The following MAP4K5 variants were observed in gnomAD, a reference collection of about 807,000 sequenced individuals.
MAP4K5 encodes MAPK/ERK kinase kinase kinase 5.
Under a neutral mutation model 135.6 loss-of-function variants are expected in MAP4K5, and 82 were observed. That is an observed-to-expected ratio of 0.60 (90% CI 0.51 to 0.73). The LOEUF (loss-of-function observed/expected upper bound fraction) is 0.73, where lower values mean the gene tolerates loss of function less well. Among genes scored for constraint, MAP4K5 ranks in the 30% least tolerant of loss-of-function variants. The pLI is 0.00. For synonymous variants in MAP4K5, 347 were observed against 335.0 expected (o/e 1.04, Z -0.39); for missense variants, 907 against 1,010.9 (o/e 0.90, Z 1.39).
Position 50,429,265 on chromosome 14 carries a change from G to C in MAP4K5, c.2165-5C>G. 1 of 1,546,190 alleles carries C rather than the reference G, an allele frequency of 6.5e-7. No individual in the cohort carries two copies. Among genetic ancestry groups the C allele is most frequent in the Non-Finnish European group, 8.8e-7 (1 of 1,140,468 alleles). On this transcript the variant is annotated splice_polypyrimidine_tract_variant and splice_region_variant and intron_variant, in intron 28 of 32. Transcript: ENST00000682126. Reference sequence around the variant, plus strand: ...TGGAATCTAACTGCTGGCTGCCTTAGGAAGTAAAAAACAAGGTTACAATTA... The same window carrying C: ...TGGAATCTAACTGCTGGCTGCCTTACGAAGTAAAAAACAAGGTTACAATTA...
intron 3 of MAP4K5, among the ~76,000 whole-genome samples, chr14:50,487,207 C>A (rs2037380917): frequency 6.6e-6 from 1 of 152,142 alleles, no homozygotes; most frequent in Non-Finnish European, 1.5e-5. Context: ...ACTCGGGAGG[C>A]TAAGGCAGGA....
chr14:50,504,892 T>TA (rs2037777831), intron 2 of MAP4K5, 35 bp from the exon 3 acceptor site: 1 of 1,378,658 alleles, frequency 7.3e-7, no homozygotes, highest in African/African-American at 1.5e-5. Context: ...TCTTGTTAAT[T>TA]AAAAGCTTGT....
intron 6 of MAP4K5, among the ~76,000 whole-genome samples, chr14:50,481,084 C>A (rs2037231992): frequency 6.6e-6 from 1 of 151,140 alleles, no homozygotes; most frequent in African/African-American, 2.4e-5. Flanking sequence ...TATTTTTTCA[C>A]CTCTACTCAG....
intron 13 of MAP4K5, among the ~76,000 whole-genome samples, chr14:50,461,013 G>C (rs1162316642): frequency 2.0e-5 from 3 of 152,120 alleles, no homozygotes; most frequent in Non-Finnish European, 4.4e-5. Flanking sequence ...ATGAGTGCTA[G>C]TAGTTACTAT....
intron 13 of MAP4K5, among the ~76,000 whole-genome samples, chr14:50,460,722 A>G (rs1407743142): frequency 6.6e-6 from 1 of 152,172 alleles, no homozygotes; most frequent in Non-Finnish European, 1.5e-5. Context: ...ATACCAGGCA[A>G]TGGGGAAATA....
intron 16 of MAP4K5, 96 bp from the exon 17 acceptor site, chr14:50,446,217 A>G: frequency 1.4e-6 from 1 of 729,736 alleles, no homozygotes; most frequent in Non-Finnish European, 2.2e-6. Flanking sequence ...GTTTCTATAC[A>G]GAGGATGTAA....
At chr14:50,457,200 C>T (rs139144358) in intron 13 of MAP4K5, among the ~76,000 whole-genome samples, 1 of 152,256 alleles carries the variant, frequency 6.6e-6, no homozygotes, top group East Asian at 1.9e-4. Flanking sequence ...TGAGCCCAAT[C>T]GACAAAGGCT....
Position 50,464,153 on chromosome 14 carries a change from TACAA to T in MAP4K5, c.738-24_738-21del. On this transcript the variant is annotated intron_variant, in intron 11 of 32. Coordinates refer to ENST00000682126, the MANE Select transcript of MAP4K5 (RefSeq NM_006575.6). ...GATGACCTTAAAATAAAAAGAGACG[TACAA>T]AAATATTTCACTACTATTACGTTTC... 1 of 1,213,262 alleles carries T rather than the reference TACAA, an allele frequency of 8.2e-7. No individual in the cohort carries two copies. Among genetic ancestry groups the T allele is most frequent in the Non-Finnish European group, 1.2e-6 (1 of 843,126 alleles). The allele number at this position is 1,213,262 out of a possible 1,614,324, so 75.2% of individuals were successfully genotyped here.
At chr14:50,428,616 A>C in intron 30 of MAP4K5, 46 bp downstream of exon 30, 1 of 1,045,326 alleles carries the variant, frequency 9.6e-7, no homozygotes, top group African/African-American at 1.6e-5. Context: ...GAATTTTAAT[A>C]ATCATTAAGT....
chr14:50,428,643 T>C lies in MAP4K5; in HGVS notation c.2326+19A>G. The C allele has an allele frequency of 1.4e-6, 2 of 1,382,684 alleles. No homozygotes were observed. Among genetic ancestry groups the C allele is most frequent in the South Asian group, 2.7e-5 (2 of 72,760 alleles). The allele number at this position is 1,382,684 out of a possible 1,614,324, so 85.7% of individuals were successfully genotyped here. On this transcript the variant is annotated intron_variant, in intron 30 of 32. Coordinates refer to ENST00000682126, the MANE Select transcript of MAP4K5 (RefSeq NM_006575.6). The stretch of plus-strand genomic sequence containing the variant: ...TCATTAAGTATCGCAAACTGATTTA[T>C]GAAAAAAAGGAAACTTACCTACAGA...
Position 50,462,499 on chromosome 14 carries a change from C to G in MAP4K5, c.936+166G>C, listed in dbSNP as rs558912687. 2.6e-5 allele frequency among the ~76,000 whole-genome samples: 4 copies of G among 152,244 alleles called. 1 individual carries two copies. In the South Asian group the frequency reaches 8.3e-4, roughly 32 times the overall value. On this transcript the variant is annotated intron_variant, in intron 13 of 32. Transcript: ENST00000682126. Reference sequence around the variant, plus strand: ...TTATACCACAATAAAAAAGTATCAACTGATAATTATGTGCAGGAAAAGTGT... The same window carrying G: ...TTATACCACAATAAAAAAGTATCAAGTGATAATTATGTGCAGGAAAAGTGT...
chr14:50,429,135 T>TA, intron 29 of MAP4K5, 57 bp downstream of exon 29: 1 of 931,858 alleles, frequency 1.1e-6, no homozygotes, highest in Non-Finnish European at 1.6e-6. Context: ...TTTAACAGAA[T>TA]AAAAAAATTG....
intron 28 of MAP4K5, among the ~76,000 whole-genome samples, chr14:50,432,878 C>T (rs1226473619): frequency 6.6e-6 from 1 of 152,088 alleles, no homozygotes; most frequent in African/African-American, 2.4e-5. Flanking sequence ...GTTCTTGTTG[C>T]CCAGGCTGGA....
chr14:50,471,986 G>A (rs903209358), intron 9 of MAP4K5: 1 of 152,298 alleles, frequency 6.6e-6, no homozygotes, highest in African/African-American at 2.4e-5. Flanking sequence ...GAAACCCTAC[G>A]AACGTCAAAA....
At chr14:50,508,903 G>A (rs192319777) in intron 2 of MAP4K5, among the ~76,000 whole-genome samples, 21 of 152,138 alleles carry the variant, frequency 1.4e-4, no homozygotes, top group Admixed American at 3.9e-4. Flanking sequence ...AGGATTATAA[G>A]TTATGCTACT....
intron 5 of MAP4K5, among the ~76,000 whole-genome samples, chr14:50,483,644 T>A: frequency 6.7e-6 from 1 of 149,068 alleles, no homozygotes; most frequent in East Asian, 1.9e-4. Flanking sequence ...TCAACAAATA[T>A]CAGGTTTAAT....
chr14:50,445,260 G>A, intron 17 of MAP4K5, 66 bp from the exon 18 acceptor site: 1 of 1,465,708 alleles, frequency 6.8e-7, no homozygotes. Flanking sequence ...TTTAGGGAAA[G>A]GGAAATGCAC....
chr14:50,426,703 G>A (rs971705586), intron 30 of MAP4K5, among the ~76,000 whole-genome samples: 1 of 152,198 alleles, frequency 6.6e-6, no homozygotes, highest in Admixed American at 6.5e-5. Flanking sequence ...CAGCTTGGGC[G>A]ACAGAGCGAG....
At chr14:50,428,923 A>G (rs2035908950) in intron 29 of MAP4K5, among the ~76,000 whole-genome samples, 169 bp from the exon 30 acceptor site, 1 of 152,240 alleles carries the variant, frequency 6.6e-6, no homozygotes, top group Non-Finnish European at 1.5e-5. Flanking sequence ...GAGTGCCTCC[A>G]TCGGCAAATG....
Sources: allele counts gnomAD v4.1 joint callset (sites outside exome capture counted in the v4.1 genomes callset), GRCh38; gene constraint gnomAD v4.1.1; transcripts MANE v1.5; gene names NCBI Gene and HGNC (gene_info 2026-07-23, HGNC 2026-07-21).